COL22A1: variants seen among roughly 807,000 people sequenced by gnomAD.
COL22A1 encodes the protein collagen alpha-1(XXII) chain.
COL22A1 carries 221 observed loss-of-function variants against 248.9 expected under a neutral mutation model. That is an observed-to-expected ratio of 0.89 (90% CI 0.80 to 0.99). COL22A1 has a LOEUF of 0.99. Among genes scored for constraint, COL22A1 ranks in the 50% least tolerant of loss-of-function variants. The pLI is 0.00. For missense variants in COL22A1, 2,240 were observed against 2,179.0 expected (o/e 1.03, Z -0.56); for synonymous variants, 891 against 793.4 (o/e 1.12, Z -2.07).
intron 16 of COL22A1, among the ~76,000 whole-genome samples, chr8:138,766,136 A>G (rs1223251698): frequency 2.0e-5 from 3 of 152,240 alleles, no homozygotes; most frequent in Admixed American, 1.3e-4. Context: ...TGACTCTCCC[A>G]GAGACCTCAG....
intron 27 of COL22A1, among the ~76,000 whole-genome samples, chr8:138,720,149 T>A (rs1370814826): frequency 6.6e-6 from 1 of 152,110 alleles, no homozygotes; most frequent in Non-Finnish European, 1.5e-5. Flanking sequence ...CCAAGTCACA[T>A]GCTGGGAAGC....
At chr8:138,695,489 T>C (rs142076605) in intron 32 of COL22A1, among the ~76,000 whole-genome samples, 1 of 152,158 alleles carries the variant, frequency 6.6e-6, no homozygotes, top group Non-Finnish European at 1.5e-5. Flanking sequence ...GTCCTCACCA[T>C]CGTGCCTGGC....
intron 3 of COL22A1, among the ~76,000 whole-genome samples, chr8:138,857,714 A>G (rs1822148743): frequency 6.6e-6 from 1 of 152,200 alleles, no homozygotes; most frequent in South Asian, 2.1e-4. Flanking sequence ...TTCTGATAAC[A>G]CGGACTCAGC....
intron 3 of COL22A1, among the ~76,000 whole-genome samples, chr8:138,849,182 C>G (rs753131923): frequency 5.3e-5 from 8 of 152,136 alleles, no homozygotes; most frequent in Admixed American, 6.5e-5. Flanking sequence ...TGTCATGGCT[C>G]CCAGGGACTG....
chr8:138,677,482 T>A (rs2130809630), intron 40 of COL22A1, among the ~76,000 whole-genome samples: 1 of 102,952 alleles, frequency 9.7e-6, no homozygotes, highest in South Asian at 3.1e-4. Context: ...TTGTTTGCCA[T>A]TTCCTGGAGA....
chr8:138,601,641 G>A (rs906421760), intron 60 of COL22A1, among the ~76,000 whole-genome samples: 2 of 152,156 alleles, frequency 1.3e-5, no homozygotes, highest in Non-Finnish European at 2.9e-5. Flanking sequence ...GTTTTTTGGA[G>A]AAATGAAATG....
intron 1 of COL22A1, among the ~76,000 whole-genome samples, chr8:138,889,890 A>G (rs192844271): frequency 1.3e-5 from 2 of 152,324 alleles, no homozygotes; most frequent in Non-Finnish European, 1.5e-5. Context: ...CCAAGTTTTT[A>G]GAGAAATCTT....
chr8:138,806,121 TA>T (rs1563788610), intron 10 of COL22A1, among the ~76,000 whole-genome samples: 12 of 119,000 alleles, frequency 1.0e-4, no homozygotes, highest in East Asian at 2.3e-4. Flanking sequence ...TGTGATGGTG[TA>T]GGTAATGGTG....
intron 12 of COL22A1, among the ~76,000 whole-genome samples, chr8:138,789,252 T>G (rs1157545512): frequency 6.6e-6 from 1 of 152,258 alleles, no homozygotes; most frequent in African/African-American, 2.4e-5. Context: ...GCAGCACCTC[T>G]ATTTATTCTA....
chr8:138,614,257 G>A (rs1255452153), intron 55 of COL22A1, among the ~76,000 whole-genome samples: 1 of 152,088 alleles, frequency 6.6e-6, no homozygotes, highest in African/African-American at 2.4e-5. Flanking sequence ...TTCCTGATTC[G>A]CTAGACGGTG....
At chr8:138,601,943 C>T (rs1225121414) in intron 60 of COL22A1, among the ~76,000 whole-genome samples, 172 bp downstream of exon 60, 2 of 152,172 alleles carry the variant, frequency 1.3e-5, no homozygotes, top group Non-Finnish European at 1.5e-5. Context: ...AAAAGAACCT[C>T]CCTTTGTGGG....
intron 55 of COL22A1, among the ~76,000 whole-genome samples, chr8:138,615,107 G>A (rs920373727): frequency 2.6e-5 from 4 of 152,196 alleles, no homozygotes; most frequent in African/African-American, 9.6e-5. Flanking sequence ...TGGTCCCTGG[G>A]GGATGTGGAG....
chr8:138,681,120 A>G (rs1240504038), intron 39 of COL22A1, among the ~76,000 whole-genome samples: 2 of 152,204 alleles, frequency 1.3e-5, no homozygotes, highest in Non-Finnish European at 1.5e-5. Context: ...GAGTGATCTA[A>G]TAATAAGGAT....
intron 31 of COL22A1, 57 bp downstream of exon 31, chr8:138,703,249 G>A (rs1259391149): frequency 1.2e-5 from 17 of 1,432,468 alleles, no homozygotes; most frequent in Non-Finnish European, 1.7e-5. Flanking sequence ...TGGAGGGGGA[G>A]TACGAATCCC....
At chr8:138,807,893 C>T in intron 9 of COL22A1, 81 bp from the exon 10 acceptor site, 1 of 1,412,324 alleles carries the variant, frequency 7.1e-7, no homozygotes, top group Non-Finnish European at 1.0e-6. Context: ...AATCCACCCC[C>T]ACATGCTTAG....
At chr8:138,781,732 G>A (rs375186921) in intron 12 of COL22A1, among the ~76,000 whole-genome samples, 34 of 152,106 alleles carry the variant, frequency 2.2e-4, no homozygotes, top group African/African-American at 8.0e-4. Flanking sequence ...CTAAGCTCCC[G>A]CCCAGCTCCA....
chr8:138,866,216 A>G (rs1242423843), intron 3 of COL22A1, among the ~76,000 whole-genome samples: 2 of 152,228 alleles, frequency 1.3e-5, no homozygotes, highest in Non-Finnish European at 1.5e-5. Context: ...CGATTAATCA[A>G]CCACATTTCT....
Position 138,613,873 on chromosome 8 carries a change from G to A in COL22A1, c.3972C>T (p.Gly1324=). 1 of 1,613,736 alleles carries A rather than the reference G, an allele frequency of 6.2e-7. No homozygotes were observed. Among genetic ancestry groups the A allele is most frequent in the Non-Finnish European group, 8.5e-7 (1 of 1,179,650 alleles). ...GTCGCAAAGCAAAACTCACCGGTGGGCCCCTTGGTCCTTGGGGACCCTGTG... is the reference window on the plus strand; with the variant it reads ...GTCGCAAAGCAAAACTCACCGGTGGACCCCTTGGTCCTTGGGGACCCTGTG... ...TGPQGPQGPR[G]PPGKNGSPGS... The change falls in exon 56 of 65, where the codon GGC becomes GGT. Residue 1324 remains glycine, a synonymous_variant. Transcript: ENST00000303045.
At chr8:138,805,166 GGT>G (rs1192092755) in intron 10 of COL22A1, among the ~76,000 whole-genome samples, 3,196 of 137,964 alleles carry the variant, frequency 0.023, 62 homozygotes, top group African/African-American at 0.052. Context: ...TGTGCATGAG[GGT>G]GTGTGTGTGT....
Sources: gnomAD v4.1 joint callset for allele counts (sites outside exome capture counted in the v4.1 genomes callset) on GRCh38, gnomAD v4.1.1 for gene constraint, MANE v1.5 for transcripts, NCBI Gene and HGNC (gene_info 2026-07-23, HGNC 2026-07-21) for gene names.